Variants in TIMP3 observed in about 807,000 individuals in gnomAD.
TIMP3 encodes metalloproteinase inhibitor 3.
Under a neutral mutation model 30.0 loss-of-function variants are expected in TIMP3, and 11 were observed. The observed-to-expected ratio is 0.37, with a 90% CI of 0.23 to 0.61. TIMP3 has a LOEUF of 0.61. TIMP3 is among the 20% of genes least tolerant of loss of function. The probability of loss-of-function intolerance (pLI) is 0.70; values close to 1 mark genes in which losing one functional copy is unlikely to be tolerated. For missense variants in TIMP3, 181 were observed against 276.8 expected (o/e 0.65, Z 2.45); for synonymous variants, 112 against 111.3 (o/e 1.01, Z -0.04).
Position 32,858,020 on chromosome 22 carries a change from G to C in TIMP3, c.320G>C (p.Arg107Pro). The stretch of plus-strand genomic sequence containing the variant: ...GTTTTCTTCTTTCCTCCTGTAGGTC[G>C]CGTCTATGATGGCAAGATGTACACG... Reference protein sequence around the residue: ...VNKYQYLLTGRVYDGKMYTGL... With the variant: ...VNKYQYLLTGPVYDGKMYTGL... Residue 107 changes from arginine (R) to proline (P), a missense_variant, in exon 4 of 5, where the codon CGC becomes CCC. Physicochemically the swap from Arg to Pro is moderately radical, Grantham distance 103. Coordinates refer to ENST00000266085, the MANE Select transcript of TIMP3 (RefSeq NM_000362.5). The C allele has an allele frequency of 6.2e-7, 1 of 1,614,126 alleles. No homozygotes were observed. The highest frequency in any genetic ancestry group is 8.5e-7 in the Non-Finnish European group (1 of 1,180,022).
intron 1 of TIMP3, among the ~76,000 whole-genome samples, chr22:32,802,791 C>T (rs971261282): frequency 6.6e-6 from 1 of 152,174 alleles, no homozygotes; most frequent in African/African-American, 2.4e-5. Context: ...TGCGAGGGGT[C>T]ACTCACCACA....
chr22:32,821,666 T>A (rs745504014), intron 1 of TIMP3, among the ~76,000 whole-genome samples: 12 of 151,860 alleles, frequency 7.9e-5, no homozygotes, highest in Non-Finnish European at 1.6e-4. Flanking sequence ...TTTCCCAATA[T>A]CTCACAGCAG....
At position 32,801,848 on chromosome 22, in the gene TIMP3, C is replaced by A; in HGVS notation, c.-154C>A. On this transcript the variant is annotated 5_prime_UTR_variant, in exon 1 of 5. Transcript: ENST00000266085. This position sits in a 1 kb window ranked among gnomAD's most constrained non-coding sequence, Gnocchi z 4.7. ...AGCCTCGCTGCGCCCCATCCCGTCC[C>A]GCCGGGCACTCGGAGGGCAGCGCGC... The A allele has an allele frequency of 1.0e-6, 1 of 993,622 alleles. No homozygotes were observed. Among genetic ancestry groups the A allele is most frequent in the Non-Finnish European group, 1.3e-6 (1 of 777,904 alleles). 61.6% of individuals were successfully genotyped at this position (993,622 alleles called of 1,614,324 possible).
At chr22:32,833,848 A>T (rs373016276) in intron 1 of TIMP3, 88 of 501,194 alleles carry the variant, frequency 1.8e-4, no homozygotes, top group Non-Finnish European at 2.1e-4. Context: ...TTTAGCACTG[A>T]TCATGCATGG....
chr22:32,833,858 G>A (rs773532534), intron 1 of TIMP3: 8 of 500,786 alleles, frequency 1.6e-5, no homozygotes, highest in Non-Finnish European at 8.0e-6. Context: ...ATCATGCATG[G>A]AAAGTGCCTG....
chr22:32,827,909 G>A (rs945313870), intron 1 of TIMP3, among the ~76,000 whole-genome samples: 5 of 152,232 alleles, frequency 3.3e-5, no homozygotes, highest in Admixed American at 2.6e-4. Flanking sequence ...TCTCATCATG[G>A]AGGTCTCAAC....
At chr22:32,858,397 T>C (rs1282277878) in intron 4 of TIMP3, among the ~76,000 whole-genome samples, 1 of 152,142 alleles carries the variant, frequency 6.6e-6, no homozygotes, top group Non-Finnish European at 1.5e-5. Flanking sequence ...TGCTGGGGCA[T>C]GAGGGCTCTT....
Position 32,821,415 on chromosome 22 carries a change from T to C in TIMP3, c.121+19293T>C, listed in dbSNP as rs558426236. Among the ~76,000 whole-genome samples the C allele has an allele frequency of 2.5e-3, 378 of 152,346 alleles. 3 individuals are homozygous for C. The highest frequency in any genetic ancestry group is 3.7e-3 in the Non-Finnish European group (254 of 68,034). On this transcript the variant is annotated intron_variant, in intron 1 of 4. Coordinates refer to ENST00000266085, the MANE Select transcript of TIMP3 (RefSeq NM_000362.5). ...CTAAGGTGTCATCAGTGCTGTGCTA[T>C]TAAAATCAGAAGTCAAAGAAGGTGG...
intron 2 of TIMP3, among the ~76,000 whole-genome samples, 171 bp downstream of exon 2, chr22:32,849,705 G>A (rs2048165877): frequency 1.3e-5 from 2 of 152,144 alleles, no homozygotes; most frequent in Non-Finnish European, 2.9e-5. Context: ...AAAGGGATGG[G>A]TAGGGAGGGG....
chr22:32,859,097 G>A, intron 4 of TIMP3, 83 bp from the exon 5 acceptor site: 2 of 1,415,726 alleles, frequency 1.4e-6, no homozygotes, highest in Non-Finnish European at 2.0e-6. Context: ...AGTGGCCCCA[G>A]GGTCTGAATC....
In TIMP3 at chr22:32,827,941, A is replaced by G. The variant is rs2047460337; in HGVS notation, c.122-21511A>G. Among the ~76,000 whole-genome samples, 3 of 152,238 alleles carry G rather than the reference A, an allele frequency of 2.0e-5. No individual in the cohort carries two copies. The South Asian group carries it at 6.2e-4, about 32-fold the overall frequency. On this transcript the variant is annotated intron_variant, in intron 1 of 4. Transcript: ENST00000266085. ...CAACTCAAATGTCACCTTCGTAGAGAGGCCTTCCTTGCCTCCCTTCCCCTC... is the reference window on the plus strand; with the variant it reads ...CAACTCAAATGTCACCTTCGTAGAGGGGCCTTCCTTGCCTCCCTTCCCCTC...
At chr22:32,814,166 GAA>G (rs1491450292) in intron 1 of TIMP3, among the ~76,000 whole-genome samples, 2,473 of 102,236 alleles carry the variant, frequency 0.024, 17 homozygotes, top group Non-Finnish European at 0.032. Context: ...GAGAGAGAGA[GAA>G]AGAGAAAGAA....
intron 2 of TIMP3, among the ~76,000 whole-genome samples, chr22:32,853,124 G>A (rs1180680599): frequency 1.3e-5 from 2 of 152,132 alleles, no homozygotes; most frequent in African/African-American, 4.8e-5. Context: ...GCAGGGTCTC[G>A]CCTTTGAAGC....
intron 1 of TIMP3, among the ~76,000 whole-genome samples, chr22:32,823,582 G>A (rs1366072914): frequency 6.6e-6 from 1 of 152,170 alleles, no homozygotes; most frequent in Non-Finnish European, 1.5e-5. Flanking sequence ...AGCAGGAATA[G>A]CAATTGGAGG....
In TIMP3 at chr22:32,862,758, G is replaced by C. The variant is rs528951412; in HGVS notation, c.*3381G>C. The C allele has an allele frequency of 3.3e-5, 5 of 152,716 alleles. No individual in the cohort carries two copies. Among genetic ancestry groups the C allele is most frequent in the South Asian group, 2.1e-4 (1 of 4,810 alleles). 9.5% of individuals were successfully genotyped at this position (152,716 alleles called of 1,614,324 possible). Reference sequence around the variant, plus strand: ...AACTTGGAGAATAGTTTTTGCTTTGGGGGTAGAGGCTTCTTAGATTCTCCC... The same window carrying C: ...AACTTGGAGAATAGTTTTTGCTTTGCGGGTAGAGGCTTCTTAGATTCTCCC... On this transcript the variant is annotated 3_prime_UTR_variant, in exon 5 of 5. Coordinates refer to ENST00000266085, the MANE Select transcript of TIMP3 (RefSeq NM_000362.5).
chr22:32,861,040 G>T lies in TIMP3; in HGVS notation c.*1663G>T, dbSNP rs930375387. On this transcript the variant is annotated 3_prime_UTR_variant, in exon 5 of 5. Transcript: ENST00000266085. ...ATAATGTATATTTTACAGAGTGGGG[G>T]TTGGCAGGATGGTGACATTGAACAT... 2.0e-5 allele frequency: 3 copies of T among 152,222 alleles called. No individual in the cohort carries two copies. The highest frequency in any genetic ancestry group is 4.4e-5 in the Non-Finnish European group (3 of 67,960). The allele number at this position is 152,222 out of a possible 1,614,324, so 9.4% of individuals were successfully genotyped here.
At chr22:32,803,015 A>G (rs146819543) in intron 1 of TIMP3, among the ~76,000 whole-genome samples, 1 of 152,120 alleles carries the variant, frequency 6.6e-6, no homozygotes, top group Non-Finnish European at 1.5e-5. Context: ...GGGCCCCGAG[A>G]GCATCCTGGG....
intron 1 of TIMP3, among the ~76,000 whole-genome samples, chr22:32,827,162 G>A (rs1195096359): frequency 6.6e-6 from 1 of 152,218 alleles, no homozygotes; most frequent in Non-Finnish European, 1.5e-5. Context: ...AGTGAGGGCA[G>A]GAGAGATGAG....
chr22:32,844,306 C>A (rs777438272), intron 1 of TIMP3, among the ~76,000 whole-genome samples: 1 of 152,164 alleles, frequency 6.6e-6, no homozygotes, highest in Non-Finnish European at 1.5e-5. Context: ...TGGAGACACA[C>A]CAGTAAGCTT....
Sources: gnomAD v4.1 joint callset for allele counts (sites outside exome capture counted in the v4.1 genomes callset) on GRCh38, gnomAD v4.1.1 for gene constraint, Gnocchi (gnomAD v3.1) non-coding constraint, MANE v1.5 for transcripts, NCBI Gene and HGNC (gene_info 2026-07-23, HGNC 2026-07-21) for gene names.